The following FARS2 variants were observed in gnomAD, a reference collection of about 807,000 sequenced individuals.
FARS2 encodes phenylalanyl-tRNA synthetase 2, mitochondrial.
FARS2 carries 40 observed loss-of-function variants against 46.4 expected under a neutral mutation model. The observed-to-expected ratio is 0.86, with a 90% CI of 0.67 to 1.12. FARS2 has a LOEUF of 1.12. FARS2 is among the 50% of genes most tolerant of loss of function. FARS2 has a pLI of 0.00. For missense variants in FARS2, 513 were observed against 567.9 expected (o/e 0.90, Z 0.98); for synonymous variants, 234 against 214.9 (o/e 1.09, Z -0.78).
chr6:5,334,525 C>T (rs1232815692), intron 1 of FARS2, among the ~76,000 whole-genome samples: 1 of 152,100 alleles, frequency 6.6e-6, no homozygotes, highest in Non-Finnish European at 1.5e-5. Context: ...GAATACTTGG[C>T]ACCATTGAAA....
intron 4 of FARS2, among the ~76,000 whole-genome samples, chr6:5,478,437 T>C (rs1286344623): frequency 6.6e-6 from 1 of 152,220 alleles, no homozygotes; most frequent in African/African-American, 2.4e-5. Flanking sequence ...TTCCGTTTTA[T>C]GAAACAGGAA....
At chr6:5,718,772 T>C (rs1759687229) in intron 6 of FARS2, among the ~76,000 whole-genome samples, 1 of 152,220 alleles carries the variant, frequency 6.6e-6, no homozygotes, top group African/African-American at 2.4e-5. Context: ...AGCCCGAGGC[T>C]GTGTGGCTTC....
intron 1 of FARS2, among the ~76,000 whole-genome samples, chr6:5,341,767 T>C (rs1005046041): frequency 1.3e-5 from 2 of 152,074 alleles, no homozygotes; most frequent in African/African-American, 2.4e-5. Flanking sequence ...GATCCACCCA[T>C]CTTGGCCTCC....
rs199671059 is a variant in FARS2, at chr6:5,680,890, TAA to T, written c.1217+67573_1217+67574del. Reference sequence around the variant, plus strand: ...ACACTTACAGCCAGAAAACAAAATGTAAAAGTTTTACCTCACCAGTAATCAAA... The same window carrying T: ...ACACTTACAGCCAGAAAACAAAATGTAAGTTTTACCTCACCAGTAATCAAA... On this transcript the variant is annotated intron_variant, in intron 6 of 6. Transcript: ENST00000274680. Among the ~76,000 whole-genome samples the T allele has an allele frequency of 5.9e-5, 9 of 152,316 alleles. No individual in the cohort carries two copies. In the East Asian group the frequency reaches 9.6e-4, roughly 16 times the overall value.
chr6:5,609,119 G>C, intron 5 of FARS2: 2 of 674,364 alleles, frequency 3.0e-6, no homozygotes, highest in Admixed American at 2.0e-5. Context: ...CTTTGTAGCA[G>C]CTAGGCCCTG....
chr6:5,534,765 A>T (rs1285385637), intron 4 of FARS2, among the ~76,000 whole-genome samples: 1 of 152,096 alleles, frequency 6.6e-6, no homozygotes, highest in Non-Finnish European at 1.5e-5. Context: ...TCTTTTAGAG[A>T]TACACACACA....
intron 6 of FARS2, among the ~76,000 whole-genome samples, chr6:5,730,335 A>C (rs554986908): frequency 6.6e-6 from 1 of 152,206 alleles, no homozygotes; most frequent in Non-Finnish European, 1.5e-5. Context: ...AGCAAGCTGG[A>C]TAAGATCCAA....
At chr6:5,438,195 A>G (rs1309167593) in intron 4 of FARS2, among the ~76,000 whole-genome samples, 2 of 145,682 alleles carry the variant, frequency 1.4e-5, no homozygotes, top group African/African-American at 5.0e-5. Context: ...ATTAACTATA[A>G]TTTTTTACTG....
intron 4 of FARS2, among the ~76,000 whole-genome samples, chr6:5,456,604 G>T (rs140833908): frequency 3.3e-5 from 5 of 151,516 alleles, no homozygotes; most frequent in African/African-American, 4.9e-5. Flanking sequence ...TTGGTGGTGC[G>T]TGCCTGTAAG....
At chr6:5,543,966 T>C (rs1561700484) in intron 4 of FARS2, among the ~76,000 whole-genome samples, 1 of 151,692 alleles carries the variant, frequency 6.6e-6, no homozygotes, top group East Asian at 1.9e-4. Context: ...TATCCTTGCA[T>C]GAGGAGCCTG....
At chr6:5,394,891 C>T (rs1760803363) in intron 2 of FARS2, among the ~76,000 whole-genome samples, 1 of 152,058 alleles carries the variant, frequency 6.6e-6, no homozygotes, top group South Asian at 2.1e-4. Flanking sequence ...GTACAGAAAC[C>T]ATATTCCATT....
rs199689713 is a variant in FARS2, at chr6:5,405,743, C to T, written c.772+1042C>T. On this transcript the variant is annotated intron_variant, in intron 3 of 6. Transcript: ENST00000274680. ...TCCTGACCTTGTGATTCACCCGCCT[C>T]GGCCTCCCAAAGTGCTGGGATTACA... 3.8e-4 allele frequency among the ~76,000 whole-genome samples: 58 copies of T among 152,026 alleles called. 1 individual carries two copies. The East Asian group carries it at 8.7e-3, about 23-fold the overall frequency.
chr6:5,670,344 G>A (rs1778388124), intron 6 of FARS2, among the ~76,000 whole-genome samples: 1 of 152,164 alleles, frequency 6.6e-6, no homozygotes, highest in Non-Finnish European at 1.5e-5. Context: ...CACAATTCAG[G>A]AAATCATTTA....
At chr6:5,268,626 G>A (rs1486409576) in intron 1 of FARS2, among the ~76,000 whole-genome samples, 1 of 152,102 alleles carries the variant, frequency 6.6e-6, no homozygotes, top group Non-Finnish European at 1.5e-5. Context: ...ATAGTTTGAA[G>A]TCAGGTAGCG....
At chr6:5,394,314 A>G (rs78287628) in intron 2 of FARS2, among the ~76,000 whole-genome samples, 2,522 of 152,294 alleles carry the variant, frequency 0.017, 70 homozygotes, top group African/African-American at 0.057. Context: ...AAAAATTCCT[A>G]TCACCTAGTG....
At chr6:5,257,553 G>T (rs1764736210), upstream of FARS2, among the ~76,000 whole-genome samples, 1 of 152,194 alleles carries the variant, frequency 6.6e-6, no homozygotes, top group South Asian at 2.1e-4. Context: ...GTACTGGTCC[G>T]TGGCCTGTTA....
intron 6 of FARS2, among the ~76,000 whole-genome samples, chr6:5,748,779 T>C (rs1007355774): frequency 1.3e-5 from 2 of 152,242 alleles, no homozygotes; most frequent in African/African-American, 2.4e-5. Flanking sequence ...ACAAATTAAG[T>C]GCTGCCTGTG....
rs375859118 is a variant in FARS2, at chr6:5,592,852, G to A, written c.1066-20317G>A. ...GCCCAGAGCGAGAAAAGCCCAGAAA[G>A]GAGGACCTAGCAGGTACCCAGGCCT... On this transcript the variant is annotated intron_variant, in intron 5 of 6. Coordinates refer to ENST00000274680, the MANE Select transcript of FARS2 (RefSeq NM_006567.5). 1.9e-3 allele frequency among the ~76,000 whole-genome samples: 285 copies of A among 152,330 alleles called. 1 individual carries two copies. The highest frequency in any genetic ancestry group is 6.7e-3 in the African/African-American group (277 of 41,584).
At chr6:5,534,691 G>C (rs1770075740) in intron 4 of FARS2, among the ~76,000 whole-genome samples, 1 of 151,992 alleles carries the variant, frequency 6.6e-6, no homozygotes, top group Non-Finnish European at 1.5e-5. Flanking sequence ...TTCCACCTTG[G>C]GACTATTGTG....
Sources: allele counts gnomAD v4.1 joint callset (sites outside exome capture counted in the v4.1 genomes callset), GRCh38; gene constraint gnomAD v4.1.1; transcripts MANE v1.5; gene names NCBI Gene and HGNC (gene_info 2026-07-23, HGNC 2026-07-21).